The following HCST variants were observed in gnomAD, a reference collection of about 807,000 sequenced individuals.
HCST encodes hematopoietic cell signal transducer.
HCST carries 12 observed loss-of-function variants against 10.8 expected under a neutral mutation model. That is an observed-to-expected ratio of 1.12 (90% CI 0.72 to 1.81). HCST has a LOEUF of 1.81. Among genes scored for constraint, HCST ranks in the 40% most tolerant of loss-of-function variants. The pLI, the probability that HCST is intolerant of heterozygous loss-of-function variation, is 0.00. For missense variants in HCST, 102 were observed against 117.9 expected (o/e 0.87, Z 0.62); for synonymous variants, 59 against 51.6 (o/e 1.14, Z -0.61).
intron 1 of HCST, 28 bp from the exon 2 acceptor site, chr19:35,903,323 C>A (rs752937002): frequency 1.9e-6 from 3 of 1,600,324 alleles, no homozygotes; most frequent in African/African-American, 2.7e-5. Context: ...TCTCTCCACC[C>A]TCATCCACCT....
intron 3 of HCST, 100 bp downstream of exon 3, chr19:35,904,003 G>C: frequency 6.3e-7 from 1 of 1,583,710 alleles, no homozygotes; most frequent in Non-Finnish European, 8.6e-7. Context: ...GAGGTGCTGG[G>C]GAAACCCTGG....
At position 35,902,570 on chromosome 19, in the gene HCST, A is replaced by G; in HGVS notation, c.-24A>G. On this transcript the variant is annotated 5_prime_UTR_variant, in exon 1 of 4. Transcript: ENST00000246551. ...TCTCTGGACCACAGTCCTCTGCCAG[A>G]CCCCTGCCAGACCCCAGTCCACCAT... The G allele has an allele frequency of 6.2e-7, 1 of 1,610,384 alleles. No individual in the cohort carries two copies. Among genetic ancestry groups the G allele is most frequent in the Non-Finnish European group, 8.5e-7 (1 of 1,178,814 alleles).
intron 2 of HCST, 134 bp downstream of exon 2, chr19:35,903,550 C>T: frequency 9.5e-7 from 1 of 1,056,904 alleles, no homozygotes; most frequent in East Asian, 2.4e-5. Flanking sequence ...CAGCGACCCC[C>T]AGCCTGTGTT....
Position 35,903,777 on chromosome 19 carries a change from T to A in HCST, c.115T>A (p.Cys39Ser). The A allele has an allele frequency of 1.2e-6, 2 of 1,614,130 alleles. No individual in the cohort carries two copies. Among genetic ancestry groups the A allele is most frequent in the Non-Finnish European group, 1.7e-6 (2 of 1,180,024 alleles). Residue 39 changes from cysteine to serine, a missense_variant, in exon 3 of 4, where the codon TGT (cysteine) becomes AGT (serine). Coordinates refer to ENST00000246551, the MANE Select transcript of HCST (RefSeq NM_014266.4). Reference sequence around the variant, plus strand: ...TTCCGGCCCCCACTCTCCAGGCTCTTGTTCCGGATGTGGGTCCCTCTCTCT... The same window carrying A: ...TTCCGGCCCCCACTCTCCAGGCTCTAGTTCCGGATGTGGGTCCCTCTCTCT... ...PAFYPGTSGS[C>S]SGCGSLSLPL...
At position 35,903,862 on chromosome 19, in the gene HCST, C is replaced by A; in HGVS notation, c.200C>A (p.Ala67Glu). Residue 67 changes from alanine (A) to glutamate (E), a missense_variant, in exon 3 of 4, where the codon GCG (alanine) becomes GAG (glutamate). Coordinates refer to ENST00000246551, the MANE Select transcript of HCST (RefSeq NM_014266.4). ...GTGGCATCGCTGCTCATCGTGGGGG[C>A]GGTGTTCCTGTGCGCACGCCCACGC... ...DAVASLLIVGAVFLCARPRRS... is the reference protein window; with the variant it reads ...DAVASLLIVGEVFLCARPRRS... The A allele has an allele frequency of 6.2e-7, 1 of 1,613,174 alleles. No homozygotes were observed. Among genetic ancestry groups the A allele is most frequent in the Non-Finnish European group, 8.5e-7 (1 of 1,179,902 alleles).
rs921562913 is a variant in HCST at position 35,904,226 on chromosome 19, A to G, written c.*66A>G. ...CCTGGATGGTGTGTGGTGGCACAGG[A>G]ACCCCCGCCCCAACTTTTGGATTGT... is the stretch of plus-strand genomic sequence containing the variant. On this transcript the variant is annotated 3_prime_UTR_variant, in exon 4 of 4. Coordinates refer to ENST00000246551, the MANE Select transcript of HCST (RefSeq NM_014266.4). 6.1e-5 allele frequency: 92 copies of G among 1,496,214 alleles called. No individual in the cohort carries two copies. Among genetic ancestry groups the G allele is most frequent in the Non-Finnish European group, 8.2e-5 (88 of 1,076,976 alleles). The allele number at this position is 1,496,214 out of a possible 1,614,324, so 92.7% of individuals were successfully genotyped here.
chr19:35,904,007 A>G, intron 3 of HCST, 104 bp downstream of exon 3: 1 of 1,582,410 alleles, frequency 6.3e-7, no homozygotes, highest in Non-Finnish European at 8.6e-7. Context: ...TGCTGGGGAA[A>G]CCCTGGGGGA....
Position 35,904,173 on chromosome 19 carries a change from T to TTTGC in HCST, c.*14_*15insTGCT. ...AGGCAGGGGCTGACCCTCCTGCAGC[T>TTTGC]TGGACCTTTGACTTCTGACCCTCTC... is the stretch of plus-strand genomic sequence containing the variant. On this transcript the variant is annotated 3_prime_UTR_variant, in exon 4 of 4. Coordinates refer to ENST00000246551, the MANE Select transcript of HCST (RefSeq NM_014266.4). 5 of 1,613,886 alleles carry TTTGC rather than the reference T, an allele frequency of 3.1e-6. No individual in the cohort carries two copies. The highest frequency in any genetic ancestry group is 4.2e-6 in the Non-Finnish European group (5 of 1,179,760).
chr19:35,903,456 G>GA lies in HCST; in HGVS notation c.109+42dup, dbSNP rs57926545. ...CCAGAAGCTTGGCCAGAGGCTCCCAGAACACCCCAGTGGTTCTCCAGGTCA... is the reference window on the plus strand; with the variant it reads ...CCAGAAGCTTGGCCAGAGGCTCCCAGAAACACCCCAGTGGTTCTCCAGGTCA... On this transcript the variant is annotated intron_variant, in intron 2 of 3. Coordinates refer to ENST00000246551, the MANE Select transcript of HCST (RefSeq NM_014266.4). The GA allele has an allele frequency of 1.2e-3, 1,799 of 1,536,114 alleles. 20 individuals carry two copies. The African/African-American group carries it at 0.022, about 18-fold the overall frequency.
chr19:35,903,472 CTCCAGGTCACCA>C, intron 2 of HCST, 56 bp downstream of exon 2: 1 of 1,445,862 alleles, frequency 6.9e-7, no homozygotes, highest in Middle Eastern at 1.7e-4. Flanking sequence ...CCCAGTGGTT[CTCCAGGTCACCA>C]TCCCACCTCC....
chr19:35,903,568 A>T, intron 2 of HCST, 152 bp downstream of exon 2: 1 of 991,504 alleles, frequency 1.0e-6, no homozygotes, highest in South Asian at 1.4e-5. Context: ...GTTCAGGAGC[A>T]CCCCGTGTGC....
intron 2 of HCST, 80 bp downstream of exon 2, chr19:35,903,496 G>T: frequency 7.8e-7 from 1 of 1,278,580 alleles, no homozygotes; most frequent in Non-Finnish European, 1.1e-6. Flanking sequence ...CCCACCTCCC[G>T]TCCCCAAATC....
Position 35,903,860 on chromosome 19 carries a change from G to A in HCST, c.198G>A (p.Gly66=). 2 of 1,613,378 alleles carry A rather than the reference G, an allele frequency of 1.2e-6. No homozygotes were observed. Among genetic ancestry groups the A allele is most frequent in the African/African-American group, 1.3e-5 (1 of 75,068 alleles). The change falls in exon 3 of 4, where the codon GGG becomes GGA. Residue 66 remains glycine (G), a synonymous_variant. Transcript: ENST00000246551. ...CGGTGGCATCGCTGCTCATCGTGGGGGCGGTGTTCCTGTGCGCACGCCCAC... is the reference window on the plus strand; with the variant it reads ...CGGTGGCATCGCTGCTCATCGTGGGAGCGGTGTTCCTGTGCGCACGCCCAC... ...ADAVASLLIV[G]AVFLCARPRR...
At position 35,904,314 on chromosome 19, in the gene HCST, C is replaced by A. The variant is rs373486010; in HGVS notation, c.*154C>A. 1.1e-6 allele frequency: 1 copy of A among 899,946 alleles called. No homozygotes were observed. The highest frequency in any genetic ancestry group is 1.8e-6 in the Non-Finnish European group (1 of 560,238). The allele number at this position is 899,946 out of a possible 1,614,324, so 55.7% of individuals were successfully genotyped here. On this transcript the variant is annotated 3_prime_UTR_variant, in exon 4 of 4. Coordinates refer to ENST00000246551, the MANE Select transcript of HCST (RefSeq NM_014266.4). ...TCAAAGAACCCCAGAGTTCCCAAAG[C>A]CTCCCTCCCATGAACTGTTTCTGGA...
chr19:35,903,646 C>A, intron 2 of HCST, 126 bp from the exon 3 acceptor site: 1 of 1,390,008 alleles, frequency 7.2e-7, no homozygotes, highest in Non-Finnish European at 1.0e-6. Context: ...TTTCATTCCC[C>A]AAGCGCAACT....
chr19:35,903,289 C>A lies in HCST; in HGVS notation c.44-62C>A. ...GACAGGCGTGAGCCACGGTGCCAGG[C>A]TGAGCATTCTGTTTTGTGGACCTTC... On this transcript the variant is annotated intron_variant, in intron 1 of 3. Transcript: ENST00000246551. 3 of 1,445,204 alleles carry A rather than the reference C, an allele frequency of 2.1e-6. No individual in the cohort carries two copies. In the South Asian group the frequency reaches 3.4e-5, roughly 16 times the overall value. 89.5% of individuals were successfully genotyped at this position (1,445,204 alleles called of 1,614,324 possible).
chr19:35,904,360 C>G lies in HCST; in HGVS notation c.*200C>G. 1.3e-6 allele frequency: 1 copy of G among 789,976 alleles called. No homozygotes were observed. The highest frequency in any genetic ancestry group is 1.5e-5 in the South Asian group (1 of 68,768). 48.9% of individuals were successfully genotyped at this position (789,976 alleles called of 1,614,324 possible). ...CTGGATCCAAGGCCCCCTCAGAACC[C>G]CCACATGTCCCCATCCCATCAGCCC... On this transcript the variant is annotated 3_prime_UTR_variant, in exon 4 of 4. Transcript: ENST00000246551.
intron 1 of HCST, 87 bp downstream of exon 1, chr19:35,902,723 T>C: frequency 7.3e-7 from 1 of 1,370,610 alleles, no homozygotes; most frequent in East Asian, 2.3e-5. Flanking sequence ...GTGATGAAAG[T>C]GGGGTTCTTC....
Position 35,904,345 on chromosome 19 carries a change from G to T in HCST, c.*185G>T. 2.5e-6 allele frequency: 2 copies of T among 816,166 alleles called. No individual in the cohort carries two copies. The highest frequency in any genetic ancestry group is 4.1e-6 in the Non-Finnish European group (2 of 488,872). The allele number at this position is 816,166 out of a possible 1,614,324, so 50.6% of individuals were successfully genotyped here. A position where few individuals can be genotyped will look rare whatever the true frequency, so the allele number is the denominator to read the frequency against. ...TCCCATGAACTGTTTCTGGATCCAA[G>T]GCCCCCTCAGAACCCCCACATGTCC... On this transcript the variant is annotated 3_prime_UTR_variant, in exon 4 of 4. Transcript: ENST00000246551.
Sources: gnomAD v4.1 joint callset for allele counts on GRCh38, gnomAD v4.1.1 for gene constraint, MANE v1.5 for transcripts, NCBI Gene and HGNC (gene_info 2026-07-23, HGNC 2026-07-21) for gene names.